The following FRMD4A variants were observed in gnomAD, a reference collection of about 807,000 sequenced individuals.
The protein encoded by FRMD4A is FERM domain-containing protein 4A.
FRMD4A carries 29 observed loss-of-function variants against 129.1 expected under a neutral mutation model. That is an observed-to-expected ratio of 0.22 (90% CI 0.17 to 0.31). The LOEUF is 0.31. Ranked by LOEUF, FRMD4A falls within the 10% of genes least tolerant of loss-of-function variation. The pLI is 1.00. For missense variants in FRMD4A, 1,272 were observed against 1,375.8 expected (o/e 0.92, Z 1.19); for synonymous variants, 634 against 571.6 (o/e 1.11, Z -1.56).
At chr10:13,775,675 C>T (rs755612289) in intron 6 of FRMD4A, among the ~76,000 whole-genome samples, 1 of 152,106 alleles carries the variant, frequency 6.6e-6, no homozygotes, top group African/African-American at 2.4e-5. Context: ...ATGCGGCATC[C>T]CGGGTTGAGA....
At chr10:14,093,501 T>A (rs922647999) in intron 2 of FRMD4A, among the ~76,000 whole-genome samples, 1 of 152,178 alleles carries the variant, frequency 6.6e-6, no homozygotes, top group Non-Finnish European at 1.5e-5. Context: ...CTTGACATAA[T>A]CATGAGGTTC....
rs2080978303 is a variant in FRMD4A, at chr10:13,644,242, A to C, written c.*2796T>G. On this transcript the variant is annotated 3_prime_UTR_variant, in exon 25 of 25. Coordinates refer to ENST00000357447, the MANE Select transcript of FRMD4A (RefSeq NM_018027.5). Reference sequence around the variant, plus strand: ...GCAATTTCTTTTACGCATCCGAAGAATCCAATAGGGGCTTTATATCAGACC... The same window carrying C: ...GCAATTTCTTTTACGCATCCGAAGACTCCAATAGGGGCTTTATATCAGACC... 1 of 152,246 alleles carries C rather than the reference A, an allele frequency of 6.6e-6. No individual in the cohort carries two copies. Among genetic ancestry groups the C allele is most frequent in the Admixed American group, 6.5e-5 (1 of 15,286 alleles). 9.4% of individuals were successfully genotyped at this position (152,246 alleles called of 1,614,324 possible). A position where few individuals can be genotyped will look rare whatever the true frequency, so the allele number is the denominator to read the frequency against.
At chr10:14,298,981 A>T (rs1252602192) in intron 2 of FRMD4A, among the ~76,000 whole-genome samples, 1 of 152,196 alleles carries the variant, frequency 6.6e-6, no homozygotes, top group Admixed American at 6.5e-5. Context: ...TGTTGGGGAA[A>T]AAGAGTTTGC....
chr10:14,157,555 G>T (rs1281580984), intron 2 of FRMD4A, among the ~76,000 whole-genome samples: 1 of 152,162 alleles, frequency 6.6e-6, no homozygotes, highest in African/African-American at 2.4e-5. Flanking sequence ...CTGGAACTCG[G>T]CAAATGTCAT....
chr10:13,823,162 G>A (rs912487508), intron 3 of FRMD4A, among the ~76,000 whole-genome samples: 4 of 152,234 alleles, frequency 2.6e-5, no homozygotes, highest in African/African-American at 9.6e-5. Context: ...GGCTTTGACA[G>A]GCGTACATAA....
chr10:14,229,601 C>T (rs1034579995), intron 2 of FRMD4A, among the ~76,000 whole-genome samples: 1 of 152,058 alleles, frequency 6.6e-6, no homozygotes, highest in Admixed American at 6.6e-5. Flanking sequence ...CAATGCTTGG[C>T]TAATTTTTAA....
chr10:14,119,944 T>A lies in FRMD4A; in HGVS notation c.45+210114A>T, dbSNP rs574466306. On this transcript the variant is annotated intron_variant, in intron 2 of 24. Coordinates refer to ENST00000357447, the MANE Select transcript of FRMD4A (RefSeq NM_018027.5). ...TAATTTGAAGCAGCTTGCACCTTGATTCTTGCAGACTTACAAAGGACACTT... is the reference window on the plus strand; with the variant it reads ...TAATTTGAAGCAGCTTGCACCTTGAATCTTGCAGACTTACAAAGGACACTT... 2.6e-5 allele frequency among the ~76,000 whole-genome samples: 4 copies of A among 152,050 alleles called. No individual in the cohort carries two copies. In the East Asian group the frequency reaches 7.7e-4, roughly 29 times the overall value.
chr10:14,144,285 C>A (rs1367274809), intron 2 of FRMD4A, among the ~76,000 whole-genome samples: 1 of 152,098 alleles, frequency 6.6e-6, no homozygotes, highest in Non-Finnish European at 1.5e-5. Context: ...CCTTTAGGAA[C>A]CCCTTGGAGA....
chr10:13,732,452 T>C (rs1235866989), intron 12 of FRMD4A, among the ~76,000 whole-genome samples: 1 of 152,154 alleles, frequency 6.6e-6, no homozygotes, highest in Admixed American at 6.5e-5. Context: ...AGTGGACGCC[T>C]CTGGGCTCTG....
chr10:13,785,580 T>C (rs993128741), intron 5 of FRMD4A, among the ~76,000 whole-genome samples: 1 of 152,134 alleles, frequency 6.6e-6, no homozygotes, highest in South Asian at 2.1e-4. Flanking sequence ...GATTTGATTT[T>C]CTTTTTTAAA....
chr10:13,706,749 GAC>G (rs3031967), intron 13 of FRMD4A, among the ~76,000 whole-genome samples: 9,870 of 146,556 alleles, frequency 0.067, 337 homozygotes, highest in Middle Eastern at 0.077. Flanking sequence ...CACATACACT[GAC>G]ACACACACAC....
intron 2 of FRMD4A, among the ~76,000 whole-genome samples, chr10:13,993,736 T>C (rs992270663): frequency 6.6e-5 from 10 of 152,304 alleles, no homozygotes; most frequent in Middle Eastern, 3.4e-3. Context: ...TAAAACCATG[T>C]TCTCAGCAAA....
At chr10:13,749,594 C>G (rs941969534) in intron 8 of FRMD4A, among the ~76,000 whole-genome samples, 1 of 152,124 alleles carries the variant, frequency 6.6e-6, no homozygotes, top group Non-Finnish European at 1.5e-5. Context: ...CAAAACCACA[C>G]CAATACACTA....
Position 13,660,456 on chromosome 10 carries a change from C to A in FRMD4A, c.1758G>T (p.Gln586His). 1 of 1,614,056 alleles carries A rather than the reference C, an allele frequency of 6.2e-7. No homozygotes were observed. ...GCATCTGTCGGAGTCCCTCCAGGGA[C>A]TGGGGAGGAGGAGGCCTGTTGTGCG... Reference protein sequence around the residue: ...PPSHNRPPPPQSLEGLRQMHY... With the variant: ...PPSHNRPPPPHSLEGLRQMHY... The change falls in exon 20 of 25, where the codon CAG becomes CAT. Residue 586 changes from glutamine (Q) to histidine (H), a missense_variant. By Grantham distance (24) the Gln-to-His change is conservative (BLOSUM62 0). Around this residue, in one of 2 missense-constraint regions of FRMD4A, gnomAD observed 972 missense variants for 892.3 expected, o/e 1.09. Transcript: ENST00000357447.
At chr10:13,801,556 A>G (rs968462416) in intron 4 of FRMD4A, among the ~76,000 whole-genome samples, 1 of 152,210 alleles carries the variant, frequency 6.6e-6, no homozygotes, top group Non-Finnish European at 1.5e-5. Flanking sequence ...TCTCTCAATG[A>G]AGGCTGCTTA....
chr10:13,732,547 G>A (rs766682431), intron 12 of FRMD4A, among the ~76,000 whole-genome samples: 21 of 152,210 alleles, frequency 1.4e-4, no homozygotes, highest in African/African-American at 4.1e-4. Context: ...TGACAGAGCC[G>A]CTGTAACTGG....
chr10:13,775,471 T>C (rs1368307587), intron 6 of FRMD4A, among the ~76,000 whole-genome samples: 1 of 152,214 alleles, frequency 6.6e-6, no homozygotes, highest in African/African-American at 2.4e-5. Context: ...ATTCATTAGA[T>C]ACAAAGCTAG....
chr10:13,857,929 G>T (rs1250778081), intron 3 of FRMD4A, among the ~76,000 whole-genome samples: 2 of 152,176 alleles, frequency 1.3e-5, no homozygotes, highest in Non-Finnish European at 2.9e-5. Context: ...AAAGGTGAGG[G>T]TCTATGATTC....
intron 5 of FRMD4A, among the ~76,000 whole-genome samples, chr10:13,783,819 A>C (rs2092792926): frequency 6.6e-6 from 1 of 152,226 alleles, no homozygotes; most frequent in South Asian, 2.1e-4. Context: ...AATGCATATT[A>C]AGCCAAATGA....
Sources: allele counts gnomAD v4.1 joint callset (sites outside exome capture counted in the v4.1 genomes callset), GRCh38; gene constraint gnomAD v4.1.1; regional missense constraint gnomAD v4.1.1; transcripts MANE v1.5; gene names NCBI Gene and HGNC (gene_info 2026-07-23, HGNC 2026-07-21).